Variants in ZNF717 observed in about 807,000 individuals in gnomAD.
ZNF717 encodes zinc finger protein 717, also known as krueppel-like factor X17.
A neutral mutation model predicts 13.8 loss-of-function variants in ZNF717; 9 were observed. The observed-to-expected ratio is 0.65, with a 90% confidence interval of 0.39 to 1.14. The LOEUF (loss-of-function observed/expected upper bound fraction) is 1.14, where lower values mean the gene tolerates loss of function less well. Among genes scored for constraint, ZNF717 ranks in the 50% most tolerant of loss-of-function variants. The pLI, the probability that ZNF717 is intolerant of heterozygous loss-of-function variation, is 0.01. For missense variants in ZNF717, 1,040 were observed against 1,080.7 expected (o/e 0.96, Z 0.53); for synonymous variants, 327 against 364.1 (o/e 0.90, Z 1.16).
chr3:75,777,114 T>TA (rs1944379605), intron 2 of ZNF717, among the ~76,000 whole-genome samples: 1 of 152,222 alleles, frequency 6.6e-6, no homozygotes, highest in African/African-American at 2.4e-5. Context: ...TGTCAAATGG[T>TA]ATCTCTTCAA....
chr3:75,705,358 A>G (rs1302581937), downstream of ZNF717, among the ~76,000 whole-genome samples: 1 of 152,302 alleles, frequency 6.6e-6, no homozygotes, highest in Non-Finnish European at 1.5e-5. Flanking sequence ...TGGTCAGGAT[A>G]AAAAATTAAA....
chr3:75,700,387 CATCGAAA>C (rs1391648999), intron 6 of ZNF717, among the ~76,000 whole-genome samples: 38 of 151,142 alleles, frequency 2.5e-4, no homozygotes, highest in East Asian at 1.6e-3. Flanking sequence ...AGTGAGACAC[CATCGAAA>C]AAAAAAAAAA....
intron 2 of ZNF717, among the ~76,000 whole-genome samples, chr3:75,758,073 G>A (rs1359538713): frequency 2.8e-5 from 4 of 141,030 alleles, no homozygotes; most frequent in East Asian, 2.1e-4. Flanking sequence ...AGCTGAGATC[G>A]TGTTGTCACT....
At chr3:75,695,350 C>T (rs1319131918) in intron 6 of ZNF717, among the ~76,000 whole-genome samples, 3 of 152,402 alleles carry the variant, frequency 2.0e-5, no homozygotes, top group African/African-American at 7.2e-5. Flanking sequence ...ATTATAAGAA[C>T]TAAAGAAAGA....
intron 6 of ZNF717, among the ~76,000 whole-genome samples, chr3:75,696,892 C>CAAAAAAAAAAAAAAAAAAAAAAAAAAAA (rs142213799): frequency 1.6e-5 from 1 of 61,472 alleles, no homozygotes; most frequent in Non-Finnish European, 3.4e-5. Flanking sequence ...GACTTCATCT[C>CAAAAAAAAAAAAAAAAAAAAAAAAAAAA]AAAAAAAAAA....
At position 75,761,857 on chromosome 3, in the gene ZNF717, A is replaced by G. The variant is rs1181619311; in HGVS notation, c.58-20121T>C. ...GTTCGTGACCAGCTGGGCCAACCCC[A>G]TCTCTAATATAAATAGTAAAACTCT... On this transcript the variant is annotated intron_variant, in intron 2 of 4. Transcript: ENST00000652011. Among the ~76,000 whole-genome samples the G allele has an allele frequency of 2.6e-5, 4 of 152,340 alleles. No homozygotes were observed. In the East Asian group the frequency reaches 5.8e-4, roughly 22 times the overall value.
rs2107025127 is a variant in ZNF717 at position 75,737,209 on chromosome 3, T to C, written c.2414A>G (p.Gln805Arg). Residue 805 changes from glutamine to arginine, a missense_variant, in exon 5 of 5, where the codon CAG becomes CGG. Transcript: ENST00000652011. ...TGGCTTCTCACCTGTGTGAGTTCTC[T>C]GATGTATGGTGAGAACTGTCTTATC... is the stretch of plus-strand genomic sequence containing the variant. ...FYDKTVLTIHQRTHTGEKPFE... is the reference protein window; with the variant it reads ...FYDKTVLTIHRRTHTGEKPFE... 3 of 1,554,064 alleles carry C rather than the reference T, an allele frequency of 1.9e-6. No homozygotes were observed. The highest frequency in any genetic ancestry group is 4.9e-5 in the East Asian group (2 of 41,014).
chr3:75,744,893 C>T (rs1358375704), intron 2 of ZNF717, among the ~76,000 whole-genome samples: 2 of 81,898 alleles, frequency 2.4e-5, no homozygotes, highest in African/African-American at 3.7e-5. Flanking sequence ...AGGGAATTAT[C>T]CCCTTCCACT....
intron 4 of ZNF717, among the ~76,000 whole-genome samples, chr3:75,721,420 T>G (rs1575722078): frequency 6.6e-6 from 1 of 152,188 alleles, no homozygotes; most frequent in Non-Finnish European, 1.5e-5. Context: ...TAGCTGGGAT[T>G]ACAGGCGAGC....
downstream of ZNF717, among the ~76,000 whole-genome samples, chr3:75,725,537 C>A (rs1461398355): frequency 1.3e-5 from 2 of 152,250 alleles, no homozygotes; most frequent in Non-Finnish European, 1.5e-5. Flanking sequence ...TAATAAGTCT[C>A]CGTATTAGTC....
At chr3:75,733,778 C>CAAAAAAAAAAAAAA (rs56196464), downstream of ZNF717, among the ~76,000 whole-genome samples, 44 of 26,644 alleles carry the variant, frequency 1.7e-3, 4 homozygotes, top group African/African-American at 7.1e-3. Flanking sequence ...GACTCTATCT[C>CAAAAAAAAAAAAAA]AAAAAAAAAA....
Position 75,737,768 on chromosome 3 carries a change from A to AGG in ZNF717, c.1853_1854dup (p.Tyr619ProfsTer60), listed in dbSNP as rs1939598364. 6.4e-7 allele frequency: 1 copy of AGG among 1,550,640 alleles called. No individual in the cohort carries two copies. The highest frequency in any genetic ancestry group is 1.4e-5 in the African/African-American group (1 of 72,986). ...GTTTTTCCACATTCATTACATTCAT[A>AGG]GGGTCTTTCCCCTGTGTGAGTTCTC... On this transcript the variant is annotated frameshift_variant, in exon 5 of 5. Coordinates refer to ENST00000652011, the MANE Select transcript of ZNF717 (RefSeq NM_001290208.3). LOFTEE classifies it low-confidence loss of function (END_TRUNC).
chr3:75,717,625 C>A (rs1417073608), intron 4 of ZNF717, among the ~76,000 whole-genome samples: 4 of 152,060 alleles, frequency 2.6e-5, no homozygotes, highest in Non-Finnish European at 2.9e-5. Context: ...GTGTGAGTGC[C>A]GGCATGTTGA....
intron 4 of ZNF717, among the ~76,000 whole-genome samples, chr3:75,723,626 G>C (rs1229491476): frequency 3.3e-5 from 5 of 152,318 alleles, no homozygotes; most frequent in Non-Finnish European, 7.3e-5. Context: ...GAGCTGAAGG[G>C]ACATGGTGAG....
At chr3:75,748,018 C>T (rs1235523410) in intron 2 of ZNF717, among the ~76,000 whole-genome samples, 1 of 152,166 alleles carries the variant, frequency 6.6e-6, no homozygotes, top group Non-Finnish European at 1.5e-5. Flanking sequence ...GACAGCACCA[C>T]TGATCCCACA....
chr3:75,758,671 C>A (rs370332001), intron 2 of ZNF717, among the ~76,000 whole-genome samples: 1 of 152,164 alleles, frequency 6.6e-6, no homozygotes, highest in African/African-American at 2.4e-5. Flanking sequence ...CTACCCCAAC[C>A]CTCAGCAATC....
chr3:75,731,572 GAA>G (rs57965876), downstream of ZNF717, among the ~76,000 whole-genome samples: 1 of 140,616 alleles, frequency 7.1e-6, no homozygotes, highest in Non-Finnish European at 1.5e-5. Flanking sequence ...AAAAAAGGAA[GAA>G]AAAAAAAAAG....
chr3:75,739,256 A>T lies in ZNF717; in HGVS notation c.367T>A (p.Ser123Thr). 1 of 1,537,808 alleles carries T rather than the reference A, an allele frequency of 6.5e-7. No individual in the cohort carries two copies. Among genetic ancestry groups the T allele is most frequent in the Non-Finnish European group, 8.8e-7 (1 of 1,141,388 alleles). ...WQIVITNSNT[S>T]TQERVELGKT... ...CCTAATTCAACTCTCTCCTGAGTTG[A>T]TGTGTTGCTGTTGGTGATTACAATT... The change falls in exon 5 of 5, where the codon TCA (serine) becomes ACA (threonine). Residue 123 changes from serine to threonine, a missense_variant. Physicochemically the swap from Ser to Thr is moderately conservative, Grantham distance 58. Transcript: ENST00000652011.
chr3:75,741,143 T>C (rs1371194100), intron 4 of ZNF717, 133 bp downstream of exon 4: 6 of 642,244 alleles, frequency 9.3e-6, no homozygotes, highest in African/African-American at 7.3e-5. Context: ...GACTATATAA[T>C]GCACATTTAA....
Sources: gnomAD v4.1 joint callset for allele counts (sites outside exome capture counted in the v4.1 genomes callset) on GRCh38, gnomAD v4.1.1 for gene constraint, MANE v1.5 for transcripts, NCBI Gene and HGNC (gene_info 2026-07-23, HGNC 2026-07-21) for gene names.